CTNNA2: variants seen among roughly 807,000 people sequenced by gnomAD.
CTNNA2 encodes the protein catenin alpha 2.
CTNNA2 carries 42 observed loss-of-function variants against 101.0 expected under a neutral mutation model. That is an observed-to-expected ratio of 0.42 (90% confidence interval 0.32 to 0.54). The LOEUF is 0.54. CTNNA2 is among the 20% of genes least tolerant of loss of function. CTNNA2 has a pLI of 0.14. For missense variants in CTNNA2, 871 were observed against 1,223.1 expected, an observed-to-expected ratio of 0.71 and a Z score of 4.29; for synonymous variants, 450 against 456.4, an observed-to-expected ratio of 0.99 and a Z score of 0.18.
At chr2:80,230,742 A>G (rs1024077477) in intron 7 of CTNNA2, among the ~76,000 whole-genome samples, 2 of 152,200 alleles carry the variant, frequency 1.3e-5, no homozygotes, top group Admixed American at 1.3e-4. Flanking sequence ...TGAAGCTCAC[A>G]TAAGGAAATC....
intron 3 of CTNNA2, among the ~76,000 whole-genome samples, chr2:79,817,005 T>TA (rs906976880): frequency 6.6e-6 from 1 of 151,144 alleles, no homozygotes; most frequent in African/African-American, 2.4e-5. Context: ...TCTTTTTTTT[T>TA]ATAGGAGATA....
chr2:80,073,274 CTT>C (rs574953970), intron 7 of CTNNA2, among the ~76,000 whole-genome samples: 2 of 152,280 alleles, frequency 1.3e-5, no homozygotes, highest in African/African-American at 4.8e-5. Context: ...GTGTTAGGCA[CTT>C]TGACAGGTTT....
chr2:80,128,067 C>T (rs541188592), intron 7 of CTNNA2, among the ~76,000 whole-genome samples: 11 of 151,750 alleles, frequency 7.2e-5, no homozygotes, highest in South Asian at 6.3e-4. Context: ...AGATTCTTCT[C>T]GGGGGCAATG....
At chr2:79,849,686 T>C (rs1409944881) in intron 3 of CTNNA2, among the ~76,000 whole-genome samples, 1 of 152,220 alleles carries the variant, frequency 6.6e-6, no homozygotes, top group Non-Finnish European at 1.5e-5. Flanking sequence ...AAGGAGTTGC[T>C]CCTTTCACTA....
intron 18 of CTNNA2, among the ~76,000 whole-genome samples, chr2:80,638,318 C>T (rs568912333): frequency 8.6e-6 from 1 of 115,688 alleles, no homozygotes; most frequent in Admixed American, 8.7e-5. Flanking sequence ...GAATATTTCC[C>T]AATTATGGGG....
At chr2:79,187,262 TTTCTTTTC>T (rs1439625936) in intron 1 of CTNNA2, among the ~76,000 whole-genome samples, 11 of 100,088 alleles carry the variant, frequency 1.1e-4, no homozygotes, top group Admixed American at 6.6e-4. Flanking sequence ...TTTCTTTTCT[TTTCTTTTC>T]TTTTTTTTTT....
At chr2:79,865,008 AT>A (rs917236480) in intron 4 of CTNNA2, among the ~76,000 whole-genome samples, 37 of 151,546 alleles carry the variant, frequency 2.4e-4, no homozygotes, top group African/African-American at 6.8e-4. Context: ...CACTGGTGTC[AT>A]TTTTTTTTGT....
At chr2:79,514,433 A>G (rs997501885) in intron 1 of CTNNA2, among the ~76,000 whole-genome samples, 5 of 152,228 alleles carry the variant, frequency 3.3e-5, no homozygotes, top group Non-Finnish European at 5.9e-5. Context: ...GCTTACACCA[A>G]TGGAAAAGTT....
intron 4 of CTNNA2, among the ~76,000 whole-genome samples, chr2:79,477,326 A>T (rs1190641881): frequency 6.6e-6 from 1 of 151,470 alleles, no homozygotes; most frequent in East Asian, 1.9e-4. Context: ...ACCCGCCACC[A>T]CACCCTGCTG....
intron 15 of CTNNA2, among the ~76,000 whole-genome samples, chr2:80,600,835 A>C (rs918206298): frequency 1.3e-5 from 2 of 152,110 alleles, no homozygotes; most frequent in Admixed American, 6.5e-5. Context: ...TGCCTCCCAA[A>C]GTGCTGGGAT....
At chr2:79,600,415 C>A (rs1195312611) in intron 1 of CTNNA2, among the ~76,000 whole-genome samples, 2 of 151,958 alleles carry the variant, frequency 1.3e-5, no homozygotes, top group Non-Finnish European at 2.9e-5. Context: ...TGGGCTCAAG[C>A]AATCCACCCG....
intron 9 of CTNNA2, among the ~76,000 whole-genome samples, chr2:80,451,031 A>T (rs1183195519): frequency 6.6e-6 from 1 of 151,982 alleles, no homozygotes; most frequent in Non-Finnish European, 1.5e-5. Flanking sequence ...AAATATATAC[A>T]TACACTTACC....
At chr2:80,309,544 A>T (rs1677341069) in intron 7 of CTNNA2, among the ~76,000 whole-genome samples, 1 of 152,120 alleles carries the variant, frequency 6.6e-6, no homozygotes. Flanking sequence ...CCACTTTTTA[A>T]TCGGTATAAC....
At chr2:79,304,408 T>A (rs926636298) in intron 2 of CTNNA2, among the ~76,000 whole-genome samples, 1 of 152,084 alleles carries the variant, frequency 6.6e-6, no homozygotes, top group Non-Finnish European at 1.5e-5. Flanking sequence ...GAAAAATACA[T>A]TGGATTTTAA....
At chr2:80,436,874 TG>T (rs969186744) in intron 9 of CTNNA2, among the ~76,000 whole-genome samples, 2 of 152,168 alleles carry the variant, frequency 1.3e-5, no homozygotes, top group Non-Finnish European at 2.9e-5. Flanking sequence ...CTTTGAGGAT[TG>T]GATTTCAATA....
At chr2:80,590,052 A>G (rs1350505792) in intron 15 of CTNNA2, among the ~76,000 whole-genome samples, 1 of 152,258 alleles carries the variant, frequency 6.6e-6, no homozygotes, top group Non-Finnish European at 1.5e-5. Context: ...TTAAAGTTGT[A>G]TAAGATTTAT....
chr2:79,695,508 A>T (rs769385182), intron 2 of CTNNA2, among the ~76,000 whole-genome samples: 2 of 151,996 alleles, frequency 1.3e-5, no homozygotes, highest in Non-Finnish European at 2.9e-5. Context: ...AAAGGAGAAA[A>T]TGCACATGAG....
At chr2:80,392,811 G>C (rs982598214) in intron 7 of CTNNA2, among the ~76,000 whole-genome samples, 1 of 152,010 alleles carries the variant, frequency 6.6e-6, no homozygotes, top group African/African-American at 2.4e-5. Flanking sequence ...AATCTTTTTC[G>C]ATTTAGTTTT....
At chr2:79,405,096 A>T (rs1247277077) in intron 4 of CTNNA2, among the ~76,000 whole-genome samples, 1 of 152,034 alleles carries the variant, frequency 6.6e-6, no homozygotes, top group Non-Finnish European at 1.5e-5. Flanking sequence ...ACTTGACTTT[A>T]ATCAAAAGGG....
Sources: allele counts gnomAD v4.1 joint callset (sites outside exome capture counted in the v4.1 genomes callset), GRCh38; gene constraint gnomAD v4.1.1; transcripts MANE v1.5; gene names NCBI Gene and HGNC (gene_info 2026-07-23, HGNC 2026-07-21).